The following LCORL variants were observed in gnomAD, a reference collection of about 807,000 sequenced individuals.
LCORL encodes the protein ligand dependent nuclear receptor corepressor like.
A neutral mutation model predicts 141.8 loss-of-function variants in LCORL; 41 were observed. The ratio of observed to expected loss-of-function variants is 0.29; its 90% CI spans 0.23 to 0.38. The LOEUF (loss-of-function observed/expected upper bound fraction) is 0.38. Among genes scored for constraint, LCORL ranks in the 10% least tolerant of loss-of-function variants. The probability of loss-of-function intolerance (pLI) is 1.00; values close to 1 mark genes in which losing one functional copy is unlikely to be tolerated. For synonymous variants in LCORL, 618 were observed against 694.1 expected (o/e 0.89, Z 1.72); for missense variants, 1,759 against 2,035.0 (o/e 0.86, Z 2.61).
intron 2 of LCORL, among the ~76,000 whole-genome samples, chr4:17,964,595 G>A (rs1714490183): frequency 6.6e-6 from 1 of 152,022 alleles, no homozygotes; most frequent in African/African-American, 2.4e-5. Flanking sequence ...TAAAAACCCA[G>A]CTCCTATAGA....
At position 17,892,826 on chromosome 4, in the gene LCORL, T is replaced by G. The variant is rs1729317403; in HGVS notation, c.683-6665A>C. 2.0e-5 allele frequency among the ~76,000 whole-genome samples: 3 copies of G among 152,180 alleles called. No homozygotes were observed. In the South Asian group the frequency reaches 6.2e-4, roughly 31 times the overall value. On this transcript the variant is annotated intron_variant, in intron 5 of 7. Transcript: ENST00000635767. ...AATCATGGCTTCAAAAGGTTTCAAG[T>G]CAGTACCTATGAAAAACATTTTAAA...
intron 6 of LCORL, among the ~76,000 whole-genome samples, chr4:17,885,679 A>C (rs1441464937): frequency 6.6e-6 from 1 of 151,982 alleles, no homozygotes; most frequent in African/African-American, 2.4e-5. Flanking sequence ...ACTATAAACT[A>C]GCATTAATTA....
intron 7 of LCORL, among the ~76,000 whole-genome samples, chr4:17,858,040 GATAA>G (rs1257336430): frequency 3.3e-5 from 5 of 152,114 alleles, no homozygotes; most frequent in South Asian, 2.1e-4. Context: ...TAAAGAAATA[GATAA>G]ATAAATAACA....
chr4:17,901,186 C>A (rs913630991), intron 5 of LCORL, among the ~76,000 whole-genome samples: 2 of 151,410 alleles, frequency 1.3e-5, no homozygotes, highest in African/African-American at 4.9e-5. Flanking sequence ...AATCTGCTTC[C>A]AAACATATCC....
intron 4 of LCORL, among the ~76,000 whole-genome samples, chr4:17,951,892 G>A (rs570953888): frequency 1.2e-4 from 19 of 152,258 alleles, no homozygotes; most frequent in South Asian, 2.1e-4. Flanking sequence ...TGGGAGAAAA[G>A]TCACAATTGG....
chr4:17,945,574 T>C lies in LCORL; in HGVS notation c.430+16329A>G, dbSNP rs899587849. 3.9e-5 allele frequency among the ~76,000 whole-genome samples: 6 copies of C among 152,166 alleles called. No homozygotes were observed. The East Asian group carries it at 1.2e-3, about 29-fold the overall frequency. ...AATATTTCAGTCCTTGGTTAATTTC[T>C]ACAAGCATTACAAATTTTACTTTTT... On this transcript the variant is annotated intron_variant, in intron 4 of 7. Coordinates refer to ENST00000635767, the Ensembl canonical transcript of LCORL.
At chr4:17,960,705 C>T (rs1713601524) in intron 4 of LCORL, among the ~76,000 whole-genome samples, 1 of 152,098 alleles carries the variant, frequency 6.6e-6, no homozygotes, top group African/African-American at 2.4e-5. Flanking sequence ...ATTCTCCCAC[C>T]TCAGCCCACC....
At chr4:17,878,899 T>G (rs1727206643) in intron 6 of LCORL, among the ~76,000 whole-genome samples, 1 of 151,190 alleles carries the variant, frequency 6.6e-6, no homozygotes, top group Non-Finnish European at 1.5e-5. Context: ...CTAATATACA[T>G]CTAACTTTAA....
chr4:17,964,114 G>C (rs1201430229), intron 2 of LCORL, among the ~76,000 whole-genome samples: 1 of 152,006 alleles, frequency 6.6e-6, no homozygotes, highest in East Asian at 1.9e-4. Flanking sequence ...GGAATATAAA[G>C]AACATAATAA....
In LCORL at chr4:17,884,188, T is replaced by C. The variant is rs1043900942; in HGVS notation, c.776+1880A>G. The C allele has an allele frequency of 1.4e-5, 21 of 1,550,348 alleles. No homozygotes were observed. The highest frequency in any genetic ancestry group is 1.1e-4 in the South Asian group (9 of 83,958). Reference sequence around the variant, plus strand: ...TTTTCAGTTTTTGGAGAGCTGATCCTTCTAGGACTGAAGAGGTTTTGGAAA... The same window carrying C: ...TTTTCAGTTTTTGGAGAGCTGATCCCTCTAGGACTGAAGAGGTTTTGGAAA... On this transcript the variant is annotated intron_variant, in intron 6 of 7. Coordinates refer to ENST00000635767, the Ensembl canonical transcript of LCORL. This position sits in a 1 kb window ranked among gnomAD's most constrained non-coding sequence, Gnocchi z 4.4.
intron 4 of LCORL, chr4:17,912,395 C>G (rs1732709850): frequency 1.6e-6 from 1 of 637,908 alleles, no homozygotes. Context: ...TCTAGGGTGA[C>G]TGCGGAGGTA....
intron 1 of LCORL, among the ~76,000 whole-genome samples, chr4:18,007,945 T>A (rs1450397172): frequency 6.6e-6 from 1 of 152,102 alleles, no homozygotes; most frequent in African/African-American, 2.4e-5. Flanking sequence ...ATTGGGCTGA[T>A]CCCAAAAGAG....
At chr4:17,876,387 T>C in exon 7 of LCORL, 2 of 1,230,946 alleles carry the variant, frequency 1.6e-6, no homozygotes, top group Non-Finnish European at 2.0e-6. Flanking sequence ...ACCATCAATT[T>C]CTATCAATTT....
intron 7 of LCORL, 119 bp downstream of exon 7, chr4:17,873,269 A>T: frequency 1.6e-6 from 1 of 610,538 alleles, no homozygotes; most frequent in Non-Finnish European, 2.4e-6. Flanking sequence ...CCAAGAAATT[A>T]GGTTGTCCAA....
chr4:17,982,099 C>T (rs1718085583), intron 1 of LCORL, among the ~76,000 whole-genome samples: 2 of 136,582 alleles, frequency 1.5e-5, no homozygotes, highest in African/African-American at 5.6e-5. Flanking sequence ...AGTATTCCAT[C>T]GTGTGTGTGT....
chr4:17,965,074 T>C (rs1312957887), intron 2 of LCORL, among the ~76,000 whole-genome samples: 1 of 152,144 alleles, frequency 6.6e-6, no homozygotes, highest in African/African-American at 2.4e-5. Flanking sequence ...TTGTCACTTA[T>C]TTTAGATATT....
chr4:17,995,924 C>T (rs576303768), intron 1 of LCORL, among the ~76,000 whole-genome samples: 5 of 152,202 alleles, frequency 3.3e-5, no homozygotes, highest in African/African-American at 1.2e-4. Flanking sequence ...GAGATAGATA[C>T]ATCCTCTTCT....
chr4:17,889,263 A>G (rs1408153487), intron 5 of LCORL, among the ~76,000 whole-genome samples: 1 of 152,084 alleles, frequency 6.6e-6, no homozygotes, highest in East Asian at 1.9e-4. Flanking sequence ...CTTTCTCTTT[A>G]GGAAGTCTAA....
At chr4:17,900,205 A>G (rs1020005270) in intron 5 of LCORL, among the ~76,000 whole-genome samples, 7 of 152,136 alleles carry the variant, frequency 4.6e-5, no homozygotes, top group Non-Finnish European at 8.8e-5. Context: ...GACATTCTTT[A>G]CAAAACAGAA....
Sources: allele counts gnomAD v4.1 joint callset (sites outside exome capture counted in the v4.1 genomes callset), GRCh38; gene constraint gnomAD v4.1.1; non-coding constraint Gnocchi (gnomAD v3.1); transcripts MANE v1.5; gene names NCBI Gene and HGNC (gene_info 2026-07-23, HGNC 2026-07-21).